Variants in C4BPA observed in about 807,000 individuals in gnomAD.
C4BPA encodes the protein complement component 4 binding protein alpha.
In C4BPA, 31 loss-of-function variants were observed where a neutral mutation model predicts 63.7. The ratio of observed to expected loss-of-function variants is 0.49; its 90% confidence interval spans 0.37 to 0.66. C4BPA has a LOEUF of 0.66. Among genes scored for constraint, C4BPA ranks in the 30% least tolerant of loss-of-function variants. The pLI, the probability that C4BPA is intolerant of heterozygous loss-of-function variation, is 0.00. For synonymous variants in C4BPA, 259 were observed against 254.7 expected (o/e 1.02, Z -0.16); for missense variants, 572 against 723.3 (o/e 0.79, Z 2.40).
In C4BPA at chr1:207,129,959, C is replaced by G. The variant is rs538551553; in HGVS notation, c.890-1587C>G. Among the ~76,000 whole-genome samples, 40 of 152,242 alleles carry G rather than the reference C, an allele frequency of 2.6e-4. No individual in the cohort carries two copies. The South Asian group carries it at 6.4e-3, about 24-fold the overall frequency. The stretch of plus-strand genomic sequence containing the variant: ...GTACTATAATACAGCTTTGTTCCCT[C>G]CTACCTTTCTTGTGATGTTATTGTC... On this transcript the variant is annotated intron_variant, in intron 7 of 11. Coordinates refer to ENST00000367070, the MANE Select transcript of C4BPA (RefSeq NM_000715.4).
chr1:207,117,633 T>C (rs1197594787), intron 4 of C4BPA, among the ~76,000 whole-genome samples: 2 of 152,172 alleles, frequency 1.3e-5, no homozygotes, highest in African/African-American at 4.8e-5. Flanking sequence ...ACACAGGTTT[T>C]ATTTTAACAA....
chr1:207,130,083 G>A (rs1449138468), intron 7 of C4BPA, among the ~76,000 whole-genome samples: 8 of 152,188 alleles, frequency 5.3e-5, no homozygotes. Context: ...GAAGGAAGGA[G>A]TAGTAATATA....
chr1:207,126,548 C>T (rs935883875), intron 6 of C4BPA, among the ~76,000 whole-genome samples, 165 bp from the exon 7 acceptor site: 8 of 150,766 alleles, frequency 5.3e-5, no homozygotes, highest in South Asian at 2.1e-4. Context: ...TATATGTATG[C>T]GTTTGTGTAT....
At position 207,113,842 on chromosome 1, in the gene C4BPA, C is replaced by T. The variant is rs2808470; in HGVS notation, c.143-258C>T. Among the ~76,000 whole-genome samples the T allele has an allele frequency of 0.34, 52,240 of 151,854 alleles. 13,569 individuals are homozygous for T. The highest frequency in any genetic ancestry group is 0.73 in the African/African-American group (30,281 of 41,384). On this transcript the variant is annotated intron_variant, in intron 2 of 11. Coordinates refer to ENST00000367070, the MANE Select transcript of C4BPA (RefSeq NM_000715.4). ...TTCAGATAAATTATCCCATATGTAG[C>T]AGAGAAGGGAAAAAAATTCTGCCTT...
At chr1:207,144,145 A>C in intron 11 of C4BPA, 152 bp downstream of exon 11, 1 of 616,916 alleles carries the variant, frequency 1.6e-6, no homozygotes, top group Non-Finnish European at 2.7e-6. Flanking sequence ...TTTTGTCTTG[A>C]AGCATTCTGG....
rs1684703224 is a variant in C4BPA at position 207,113,069 on chromosome 1, G to T, written c.44G>T (p.Arg15Met). 1 of 1,609,646 alleles carries T rather than the reference G, an allele frequency of 6.2e-7. No individual in the cohort carries two copies. Among genetic ancestry groups the T allele is most frequent in the Non-Finnish European group, 8.5e-7 (1 of 1,178,460 alleles). ...CCATCTGGGGCTCTTCATAGAAAAA[G>T]GAAAATGGCAGCCTGGCCCTTCTCC... ...KTPSGALHRK[R>M]KMAAWPFSRL... The change falls in exon 2 of 12, where the codon AGG becomes ATG. Residue 15 changes from arginine (R) to methionine (M), a missense_variant. Physicochemically the swap from Arg to Met is moderately conservative, Grantham distance 91. Around this residue, in one of 2 missense-constraint regions of C4BPA, gnomAD observed 107 missense variants for 93.9 expected, o/e 1.14. Transcript: ENST00000367070.
intron 4 of C4BPA, among the ~76,000 whole-genome samples, chr1:207,117,042 G>A (rs1487352254): frequency 1.3e-5 from 2 of 152,178 alleles, no homozygotes; most frequent in Non-Finnish European, 2.9e-5. Flanking sequence ...GCCAATATGG[G>A]TAGAGCTATC....
intron 9 of C4BPA, among the ~76,000 whole-genome samples, chr1:207,138,326 A>G (rs961355895): frequency 6.6e-6 from 1 of 152,182 alleles, no homozygotes; most frequent in Non-Finnish European, 1.5e-5. Flanking sequence ...CTTCCATCTT[A>G]TAATGAATGG....
chr1:207,109,832 C>T (rs570373870), intron 1 of C4BPA, among the ~76,000 whole-genome samples: 1 of 152,300 alleles, frequency 6.6e-6, no homozygotes, highest in African/African-American at 2.4e-5. Flanking sequence ...ATGGAAGAGC[C>T]TAGAGTAAAA....
chr1:207,137,423 G>C (rs1045814447), intron 9 of C4BPA, among the ~76,000 whole-genome samples: 1 of 152,216 alleles, frequency 6.6e-6, no homozygotes, highest in Non-Finnish European at 1.5e-5. Flanking sequence ...ATACATGTAA[G>C]ATTTATACTG....
In C4BPA at chr1:207,126,725, G is replaced by A. The variant is rs45574833; in HGVS notation, c.719G>A (p.Arg240His). 0.014 allele frequency: 22,069 copies of A among 1,605,946 alleles called. 307 individuals are homozygous for A. The highest frequency in any genetic ancestry group is 0.014 in the Non-Finnish European group (16,640 of 1,175,382). ...SPPTCEKITC[R>H]KPDVSHGEMV... is the part of the protein sequence containing the mutation. ...CATGATTCTTTAGAAATCACCTGTC[G>A]CAAGCCAGATGTTTCACATGGGGAA... is the stretch of plus-strand genomic sequence containing the variant. The change falls in exon 7 of 12, where the codon CGC becomes CAC. Residue 240 changes from arginine to histidine, a missense_variant. Around this residue, in one of 2 missense-constraint regions of C4BPA, gnomAD observed 465 missense variants for 629.4 expected, o/e 0.74. Transcript: ENST00000367070.
Position 207,124,331 on chromosome 1 carries a change from T to C in C4BPA, c.671T>C (p.Ile224Thr), listed in dbSNP as rs116795518. ...TCTTGCACTGTGGAGAATGAAACAA[T>C]AGGTGTTTGGAGACCAAGCCCTCCT... ...SISCTVENET[I>T]GVWRPSPPTC... Residue 224 changes from isoleucine (I) to threonine (T), a missense_variant, in exon 6 of 12, where the codon ATA becomes ACA. By Grantham distance (89) the Ile-to-Thr change is moderately conservative. Around this residue, in one of 2 missense-constraint regions of C4BPA, gnomAD observed 465 missense variants for 629.4 expected, o/e 0.74. Coordinates refer to ENST00000367070, the MANE Select transcript of C4BPA (RefSeq NM_000715.4). 2.6e-3 allele frequency: 4,136 copies of C among 1,613,690 alleles called. 96 individuals carry two copies. In the African/African-American group the frequency reaches 0.047, roughly 18 times the overall value.
intron 4 of C4BPA, among the ~76,000 whole-genome samples, chr1:207,122,197 T>C (rs1398269825): frequency 6.6e-6 from 1 of 152,208 alleles, no homozygotes; most frequent in African/African-American, 2.4e-5. Flanking sequence ...GTTTGTCCTA[T>C]GGTGGTTTCC....
At chr1:207,117,962 T>C (rs570518887) in intron 4 of C4BPA, among the ~76,000 whole-genome samples, 4 of 152,300 alleles carry the variant, frequency 2.6e-5, no homozygotes, top group Non-Finnish European at 5.9e-5. Context: ...CGTCTTAGTC[T>C]TTTTTTCCTT....
Position 207,144,782 on chromosome 1 carries a change from A to T in C4BPA, c.*65A>T. 1 of 1,021,730 alleles carries T rather than the reference A, an allele frequency of 9.8e-7. No homozygotes were observed. The highest frequency in any genetic ancestry group is 1.4e-6 in the Non-Finnish European group (1 of 730,706). 63.3% of individuals were successfully genotyped at this position (1,021,730 alleles called of 1,614,324 possible). On this transcript the variant is annotated 3_prime_UTR_variant, in exon 12 of 12. Coordinates refer to ENST00000367070, the MANE Select transcript of C4BPA (RefSeq NM_000715.4). ...TGCCTCTTGCAATTCAATACAGATC[A>T]GTTTAGCAAATCTACTGTCAATTTG...
intron 4 of C4BPA, among the ~76,000 whole-genome samples, chr1:207,122,665 C>T (rs146559116): frequency 0.13 from 19,743 of 152,138 alleles, 1,393 homozygotes; most frequent in African/African-American, 0.19. Flanking sequence ...CCTCAACTTC[C>T]TGGGCTCAAG....
chr1:207,141,179 GATT>G lies in C4BPA; in HGVS notation c.1350_1352del (p.Ile451del). 1 of 1,613,622 alleles carries G rather than the reference GATT, an allele frequency of 6.2e-7. No individual in the cohort carries two copies. The highest frequency in any genetic ancestry group is 8.5e-7 in the Non-Finnish European group (1 of 1,179,634). On this transcript the variant is annotated inframe_deletion, in exon 10 of 12. Transcript: ENST00000367070. ...GTTCATACAGCTTTTTCAAAGAAGA[GATT>G]ATATATGAATGTGATAAAGGCTACA... is the stretch of plus-strand genomic sequence containing the variant.
intron 7 of C4BPA, 21 bp from the exon 8 acceptor site, chr1:207,131,525 T>G (rs1558094560): frequency 6.4e-7 from 1 of 1,563,850 alleles, no homozygotes; most frequent in East Asian, 2.2e-5. Flanking sequence ...TTTGTTCTTC[T>G]TCTTCTTCTT....
intron 9 of C4BPA, among the ~76,000 whole-genome samples, chr1:207,137,877 C>G (rs1023196594): frequency 6.6e-6 from 1 of 152,182 alleles, no homozygotes; most frequent in Admixed American, 6.5e-5. Context: ...CTCGGCCTCC[C>G]GAAGTGCTGG....
Sources: allele counts gnomAD v4.1 joint callset (sites outside exome capture counted in the v4.1 genomes callset), GRCh38; gene constraint gnomAD v4.1.1; regional missense constraint gnomAD v4.1.1; transcripts MANE v1.5; gene names NCBI Gene and HGNC (gene_info 2026-07-23, HGNC 2026-07-21).